The following ANKH variants were observed in gnomAD, a reference collection of about 807,000 sequenced individuals.
ANKH encodes mineralization regulator ANKH.
A neutral mutation model predicts 49.0 loss-of-function variants in ANKH; 15 were observed. That is an observed-to-expected ratio of 0.31 (90% CI 0.20 to 0.47). The LOEUF (loss-of-function observed/expected upper bound fraction) is 0.47, where lower values mean the gene tolerates loss of function less well. Ranked by LOEUF, ANKH falls within the 20% of genes least tolerant of loss-of-function variation. The probability of loss-of-function intolerance (pLI) is 1.00; values close to 1 mark genes in which losing one functional copy is unlikely to be tolerated. For missense variants in ANKH, 429 were observed against 652.0 expected (o/e 0.66, Z 3.72); for synonymous variants, 273 against 260.0 (o/e 1.05, Z -0.48).
At chr5:14,816,485 T>C (rs1561068673) in intron 1 of ANKH, among the ~76,000 whole-genome samples, 1 of 152,050 alleles carries the variant, frequency 6.6e-6, no homozygotes, top group African/African-American at 2.4e-5. Context: ...GGACCCAGCA[T>C]GAGAGGAAGG....
intron 1 of ANKH, among the ~76,000 whole-genome samples, chr5:14,856,033 A>G (rs1332602067): frequency 6.6e-6 from 1 of 151,880 alleles, no homozygotes; most frequent in African/African-American, 2.4e-5. Context: ...GCATAAAAAC[A>G]GGCAGGGTGT....
intron 1 of ANKH, among the ~76,000 whole-genome samples, chr5:14,828,141 T>C (rs895142252): frequency 4.6e-5 from 7 of 152,124 alleles, no homozygotes; most frequent in African/African-American, 1.7e-4. Flanking sequence ...CACCACATGA[T>C]GAGGAGTGTG....
At chr5:14,857,891 C>G (rs538352992) in intron 1 of ANKH, among the ~76,000 whole-genome samples, 14 of 152,140 alleles carry the variant, frequency 9.2e-5, no homozygotes, top group Non-Finnish European at 1.8e-4. Context: ...GAACAACTGT[C>G]TATACAGGGG....
intron 1 of ANKH, among the ~76,000 whole-genome samples, chr5:14,830,510 A>AGTGTGTGTGTGTGTGT (rs35379260): frequency 6.1e-5 from 9 of 147,292 alleles, no homozygotes; most frequent in Admixed American, 2.0e-4. Flanking sequence ...AGGTAGGGGG[A>AGTGTGTGTGTGTGTGT]GTGTGTGTGT....
intron 1 of ANKH, among the ~76,000 whole-genome samples, chr5:14,807,634 C>A (rs1294760323): frequency 6.6e-6 from 1 of 152,194 alleles, no homozygotes; most frequent in African/African-American, 2.4e-5. Context: ...GAGAGGCAGA[C>A]ACTGTGTCCC....
At chr5:14,871,318 G>A (rs768290875) in intron 1 of ANKH, 34 bp downstream of exon 1, 1 of 1,590,002 alleles carries the variant, frequency 6.3e-7, no homozygotes, top group South Asian at 1.1e-5. Context: ...CCAAGGCAGG[G>A]CGAGCGGGCG....
chr5:14,732,265 T>C (rs574814692), intron 8 of ANKH, among the ~76,000 whole-genome samples: 2 of 152,230 alleles, frequency 1.3e-5, no homozygotes, highest in African/African-American at 2.4e-5. Flanking sequence ...CATCTGTGCC[T>C]GGGACTGGGA....
intron 1 of ANKH, chr5:14,798,056 A>G (rs1463710492): frequency 5.0e-6 from 8 of 1,585,608 alleles, no homozygotes; most frequent in Middle Eastern, 1.7e-4. Context: ...TTTCTATTTC[A>G]ATTTTTCCAC....
chr5:14,817,480 T>C (rs1464978089), intron 1 of ANKH, among the ~76,000 whole-genome samples: 4 of 152,148 alleles, frequency 2.6e-5, no homozygotes, highest in East Asian at 1.9e-4. Context: ...AGTACAATTG[T>C]CATGTTAAAT....
intron 8 of ANKH, among the ~76,000 whole-genome samples, chr5:14,727,727 T>C (rs917109795): frequency 6.6e-6 from 1 of 151,974 alleles, no homozygotes; most frequent in South Asian, 2.1e-4. Context: ...GAAGGGGACA[T>C]GAGGAGTGAC....
In ANKH at chr5:14,751,290, C is replaced by T. The variant is rs697570; in HGVS notation, c.517-51G>A. On this transcript the variant is annotated intron_variant, in intron 4 of 11. Transcript: ENST00000284268. ...GTCAGAGGGGAGAAGCGGGAACCGA[C>T]TGACAGAAGCACAGGGGCACGCTCT... The T allele has an allele frequency of 0.54, 863,764 of 1,585,414 alleles. 240,891 individuals are homozygous for T. The highest frequency in any genetic ancestry group is 0.82 in the African/African-American group (60,718 of 74,338).
intron 8 of ANKH, among the ~76,000 whole-genome samples, chr5:14,720,598 G>C (rs1359030955): frequency 6.6e-6 from 1 of 152,188 alleles, no homozygotes; most frequent in Non-Finnish European, 1.5e-5. Flanking sequence ...CAGTAAAACT[G>C]TAAAGAATTG....
At chr5:14,809,343 A>T (rs1740805957) in intron 1 of ANKH, among the ~76,000 whole-genome samples, 1 of 147,298 alleles carries the variant, frequency 6.8e-6, no homozygotes, top group African/African-American at 2.5e-5. Context: ...AATAAAAAAA[A>T]AAAAAAAAAA....
intron 1 of ANKH, among the ~76,000 whole-genome samples, chr5:14,805,896 C>G (rs1740697268): frequency 6.6e-6 from 1 of 152,166 alleles, no homozygotes; most frequent in Non-Finnish European, 1.5e-5. Context: ...ACTCAAAGGG[C>G]CATTTCGACT....
At chr5:14,723,765 A>AG (rs1293357164) in intron 8 of ANKH, among the ~76,000 whole-genome samples, 2 of 152,212 alleles carry the variant, frequency 1.3e-5, no homozygotes, top group Non-Finnish European at 2.9e-5. Flanking sequence ...TTGAACTCTG[A>AG]GGTGCTTACA....
At chr5:14,748,187 AC>A (rs1249010550) in intron 6 of ANKH, among the ~76,000 whole-genome samples, 1 of 152,136 alleles carries the variant, frequency 6.6e-6, no homozygotes, top group Non-Finnish European at 1.5e-5. Flanking sequence ...CAAGAACAAA[AC>A]CTGTGTGTTA....
Position 14,748,800 on chromosome 5 carries a change from G to A in ANKH, c.822+372C>T, listed in dbSNP as rs368599169. ...ATGCTCCATCATCCTCTGCCACCAC[G>A]GTGAAGAGGCCAGTGCTGATTCCGT... is the stretch of plus-strand genomic sequence containing the variant. On this transcript the variant is annotated intron_variant, in intron 6 of 11. Transcript: ENST00000284268. Among the ~76,000 whole-genome samples the A allele has an allele frequency of 2.6e-5, 4 of 152,352 alleles. No individual in the cohort carries two copies. In the East Asian group the frequency reaches 5.8e-4, roughly 22 times the overall value.
intron 1 of ANKH, among the ~76,000 whole-genome samples, chr5:14,810,581 A>G (rs1186698710): frequency 6.6e-6 from 1 of 152,184 alleles, no homozygotes; most frequent in Non-Finnish European, 1.5e-5. Context: ...TAAAGTACCC[A>G]AGTGACATGA....
At chr5:14,817,265 C>T (rs1686818322) in intron 1 of ANKH, among the ~76,000 whole-genome samples, 1 of 152,044 alleles carries the variant, frequency 6.6e-6, no homozygotes, top group African/African-American at 2.4e-5. Context: ...ACGCGTGAGG[C>T]TCGTTGATGG....
Sources: gnomAD v4.1 joint callset for allele counts (sites outside exome capture counted in the v4.1 genomes callset) on GRCh38, gnomAD v4.1.1 for gene constraint, MANE v1.5 for transcripts, NCBI Gene and HGNC (gene_info 2026-07-23, HGNC 2026-07-21) for gene names.